Variants in GOLGA5 observed in about 807,000 individuals in gnomAD.
The protein encoded by GOLGA5 is golgin A5.
In GOLGA5, 50 loss-of-function variants were observed where a neutral mutation model predicts 93.5. The observed-to-expected ratio is 0.53, with a 90% CI of 0.43 to 0.68. GOLGA5 has a LOEUF of 0.68. Among genes scored for constraint, GOLGA5 ranks in the 30% least tolerant of loss-of-function variants. GOLGA5 has a pLI of 0.00. For synonymous variants in GOLGA5, 312 were observed against 304.5 expected, an observed-to-expected ratio of 1.02 and a Z score of -0.26; for missense variants, 760 against 856.4, an observed-to-expected ratio of 0.89 and a Z score of 1.40.
intron 2 of GOLGA5, among the ~76,000 whole-genome samples, chr14:92,800,518 CT>C (rs1288280373): frequency 6.6e-6 from 1 of 152,174 alleles, no homozygotes; most frequent in Non-Finnish European, 1.5e-5. Context: ...TGTGAAGGCC[CT>C]TGTGTCATAC....
chr14:92,839,812 A>G lies in GOLGA5; in HGVS notation c.*366A>G, dbSNP rs1595608445. On this transcript the variant is annotated 3_prime_UTR_variant, in exon 13 of 13. Coordinates refer to ENST00000163416, the MANE Select transcript of GOLGA5 (RefSeq NM_005113.4). ...TAATTGTATTTAGTGACAAAAATAA[A>G]AAGTTTTTTTTTATAATTCAGTCTG... 2 of 144,630 alleles carry G rather than the reference A, an allele frequency of 1.4e-5. No homozygotes were observed. Among genetic ancestry groups the G allele is most frequent in the East Asian group, 1.7e-4 (2 of 12,018 alleles). 9.0% of individuals were successfully genotyped at this position (144,630 alleles called of 1,614,324 possible). A position where few individuals can be genotyped will look rare whatever the true frequency, so the allele number is the denominator to read the frequency against.
In GOLGA5 at chr14:92,794,944, C is replaced by T. The variant is rs138363778; in HGVS notation, c.-31+488C>T. On this transcript the variant is annotated intron_variant, in intron 1 of 12. Coordinates refer to ENST00000163416, the MANE Select transcript of GOLGA5 (RefSeq NM_005113.4). ...GGAATTGACGGGTGCCTCTGAAGTCCTTCGTGTCTTTGAGATGTTTGCCCA... is the reference window on the plus strand; with the variant it reads ...GGAATTGACGGGTGCCTCTGAAGTCTTTCGTGTCTTTGAGATGTTTGCCCA... Among the ~76,000 whole-genome samples, 956 of 152,328 alleles carry T rather than the reference C, an allele frequency of 6.3e-3. 8 individuals are homozygous for T. The highest frequency in any genetic ancestry group is 0.022 in the African/African-American group (901 of 41,558).
chr14:92,826,930 C>T (rs1219482405), intron 9 of GOLGA5, among the ~76,000 whole-genome samples: 3 of 152,020 alleles, frequency 2.0e-5, no homozygotes, highest in Non-Finnish European at 4.4e-5. Context: ...AAAGCGCTAA[C>T]TGTAGAAGAA....
At chr14:92,807,044 A>T in intron 3 of GOLGA5, 81 bp downstream of exon 3, 1 of 953,560 alleles carries the variant, frequency 1.0e-6, no homozygotes, top group East Asian at 2.6e-5. Flanking sequence ...TCGTGCCTGT[A>T]ATCCCAGCAC....
chr14:92,831,085 T>G (rs961435901), intron 9 of GOLGA5, among the ~76,000 whole-genome samples: 1 of 152,048 alleles, frequency 6.6e-6, no homozygotes, highest in African/African-American at 2.4e-5. Flanking sequence ...ACACACCCAC[T>G]AGAATGGCTG....
At chr14:92,835,432 C>T (rs1430618167) in intron 10 of GOLGA5, 127 bp from the exon 11 acceptor site, 1 of 555,284 alleles carries the variant, frequency 1.8e-6, no homozygotes, top group Non-Finnish European at 3.3e-6. Flanking sequence ...GTTTCATCTA[C>T]TTTGGGGTGA....
intron 6 of GOLGA5, among the ~76,000 whole-genome samples, chr14:92,813,513 G>A (rs1307413481): frequency 1.3e-5 from 2 of 152,204 alleles, no homozygotes; most frequent in Non-Finnish European, 2.9e-5. Context: ...AGAACAACCT[G>A]TGCCAGAGCA....
intron 6 of GOLGA5, among the ~76,000 whole-genome samples, chr14:92,815,699 CTTT>C (rs571410551): frequency 1.6e-4 from 15 of 91,244 alleles, no homozygotes; most frequent in African/African-American, 2.3e-4. Flanking sequence ...TTTTTTTAAT[CTTT>C]TTTTTTTTTT....
In GOLGA5 at chr14:92,816,249, A is replaced by C; in HGVS notation, c.1321-2A>C. ...TTAAACATATTTCTTCTTTTATAAT[A>C]GTCTAAGGAAAAATTGATTAACAGC... On this transcript the variant is annotated splice_acceptor_variant, in intron 6 of 12. Coordinates refer to ENST00000163416, the MANE Select transcript of GOLGA5 (RefSeq NM_005113.4). LOFTEE classifies it high-confidence loss of function. 1 of 1,599,426 alleles carries C rather than the reference A, an allele frequency of 6.3e-7. No homozygotes were observed. The highest frequency in any genetic ancestry group is 8.6e-7 in the Non-Finnish European group (1 of 1,167,820).
At chr14:92,808,119 A>T (rs2140317919) in intron 3 of GOLGA5, among the ~76,000 whole-genome samples, 1 of 152,292 alleles carries the variant, frequency 6.6e-6, no homozygotes, top group South Asian at 2.1e-4. Context: ...CTGTTATTCC[A>T]GCTACTCAGG....
At chr14:92,804,306 TCCTTTCTCCTCGG>T (rs1430778887) in intron 2 of GOLGA5, among the ~76,000 whole-genome samples, 1 of 152,048 alleles carries the variant, frequency 6.6e-6, no homozygotes, top group Non-Finnish European at 1.5e-5. Flanking sequence ...ACTCAGGCAG[TCCTTTCTCCTCGG>T]CCTCCCAAAG....
intron 6 of GOLGA5, among the ~76,000 whole-genome samples, chr14:92,815,506 T>C (rs937529536): frequency 1.3e-5 from 2 of 152,042 alleles, no homozygotes; most frequent in Admixed American, 1.3e-4. Context: ...GGGTAGAATG[T>C]GTTGGAAAAT....
intron 9 of GOLGA5, among the ~76,000 whole-genome samples, chr14:92,827,699 AGGCCTATT>A (rs1297215994): frequency 1.3e-5 from 2 of 152,230 alleles, no homozygotes; most frequent in Non-Finnish European, 2.9e-5. Flanking sequence ...GCCCAAAACT[AGGCCTATT>A]GGCACCAGTC....
intron 6 of GOLGA5, among the ~76,000 whole-genome samples, chr14:92,813,253 T>C (rs1488563520): frequency 6.6e-6 from 1 of 152,226 alleles, no homozygotes; most frequent in Non-Finnish European, 1.5e-5. Flanking sequence ...AGCACCTAAC[T>C]ACTCACTAGG....
chr14:92,808,518 C>CTCA (rs2140318214), intron 3 of GOLGA5, among the ~76,000 whole-genome samples: 2 of 151,876 alleles, frequency 1.3e-5, no homozygotes, highest in East Asian at 3.9e-4. Context: ...TGGTGGTGTA[C>CTCA]ACCTGTAGGC....
Position 92,796,976 on chromosome 14 carries a change from CAAAAA to C in GOLGA5, c.-30-414_-30-410del, listed in dbSNP as rs71123379. Among the ~76,000 whole-genome samples the C allele has an allele frequency of 6.8e-5, 5 of 73,686 alleles. No individual in the cohort carries two copies. In the Admixed American group the frequency reaches 6.9e-4, roughly 10 times the overall value. The allele number at this position is 73,686 out of a possible 152,430, so 48.3% of individuals were successfully genotyped here. A position where few individuals can be genotyped will look rare whatever the true frequency, so the allele number is the denominator to read the frequency against. ...TGGGCGACAGAGCGAGACTCCGTCT[CAAAAA>C]AAAAAAAAAAAAAAAAAGATTTGCC... On this transcript the variant is annotated intron_variant, in intron 1 of 12. Coordinates refer to ENST00000163416, the MANE Select transcript of GOLGA5 (RefSeq NM_005113.4).
chr14:92,838,692 C>T (rs982054163), intron 12 of GOLGA5, among the ~76,000 whole-genome samples: 3 of 151,920 alleles, frequency 2.0e-5, no homozygotes, highest in African/African-American at 4.8e-5. Flanking sequence ...AGAAGGAAAG[C>T]GTGGGGAGTA....
intron 6 of GOLGA5, among the ~76,000 whole-genome samples, chr14:92,812,771 T>C (rs1239754203): frequency 6.6e-6 from 1 of 152,218 alleles, no homozygotes; most frequent in East Asian, 1.9e-4. Context: ...CCTCTTCTAC[T>C]GCTGTTTCTG....
intron 10 of GOLGA5, among the ~76,000 whole-genome samples, chr14:92,833,696 C>T (rs560752900): frequency 9.9e-5 from 15 of 152,188 alleles, no homozygotes; most frequent in Admixed American, 7.2e-4. Context: ...TAAATAGTTA[C>T]GGGTATTAGA....
Sources: allele counts gnomAD v4.1 joint callset (sites outside exome capture counted in the v4.1 genomes callset), GRCh38; gene constraint gnomAD v4.1.1; transcripts MANE v1.5; gene names NCBI Gene and HGNC (gene_info 2026-07-23, HGNC 2026-07-21).